The following UTY variants were observed in gnomAD, a reference collection of about 807,000 sequenced individuals.
The protein encoded by UTY is ubiquitously transcribed tetratricopeptide repeat containing, Y-linked.
UTY carries 12 observed loss-of-function variants against 32.5 expected under a neutral mutation model. That is an observed-to-expected ratio of 0.37 (90% CI 0.24 to 0.60). The LOEUF (loss-of-function observed/expected upper bound fraction) is 0.60. Among genes scored for constraint, UTY ranks in the 20% least tolerant of loss-of-function variants. The pLI is 0.69. For missense variants in UTY, 303 were observed against 299.2 expected (o/e 1.01, Z -0.09); for synonymous variants, 131 against 103.4 (o/e 1.27, Z -1.62).
chrY:13,335,899 T>C lies in UTY; in HGVS notation c.2498A>G (p.Asn833Ser). Residue 833 changes from asparagine (N) to serine (S), a missense_variant, in exon 18 of 30, where the codon AAT becomes AGT. Coordinates refer to ENST00000545955, the MANE Select transcript of UTY (RefSeq NM_001258249.2). ...QLSALLIGKA[N>S]GNVGTGTCDK... ...ACAGGTTCCAGTACCCACATTGCCA[T>C]TGGCTTTTCCAATCAACAAAGCAGA... is the stretch of plus-strand genomic sequence containing the variant. The C allele has an allele frequency of 2.5e-6, 1 of 399,293 alleles. No homozygotes were observed. The highest frequency in any genetic ancestry group is 3.5e-6 in the Non-Finnish European group (1 of 283,726).
At chrY:13,351,731 G>A (rs2149184443) in intron 17 of UTY, among the ~76,000 whole-genome samples, 1 of 33,645 alleles carries the variant, frequency 3.0e-5, no homozygotes, top group South Asian at 6.5e-4. Flanking sequence ...TTTAACAGTT[G>A]CCCCCAGGTA....
At chrY:13,324,767 T>G in intron 19 of UTY, 61 bp from the exon 20 acceptor site, 1 of 271,831 alleles carries the variant, frequency 3.7e-6, no homozygotes, top group Non-Finnish European at 5.5e-6. Flanking sequence ...CTCAGATTTG[T>G]GCCTTTAATA....
intron 10 of UTY, among the ~76,000 whole-genome samples, chrY:13,362,482 TTGATA>T (rs2063654932): frequency 8.8e-5 from 3 of 34,013 alleles, no homozygotes; most frequent in Non-Finnish European, 1.5e-4. Flanking sequence ...CCATTTCACT[TTGATA>T]TGTACAATCC....
intron 2 of UTY, among the ~76,000 whole-genome samples, chrY:13,474,440 T>C (rs2078847364): frequency 6.1e-5 from 2 of 32,561 alleles, no homozygotes; most frequent in African/African-American, 1.2e-4. Flanking sequence ...GGGTACAACA[T>C]AGAAAACAAG....
chrY:13,354,777 G>A, intron 17 of UTY: 1 of 280,806 alleles, frequency 3.6e-6, no homozygotes, highest in Non-Finnish European at 5.3e-6. Context: ...GCTTTATTAT[G>A]ATACTCACTT....
intron 8 of UTY, among the ~76,000 whole-genome samples, chrY:13,374,115 T>G: frequency 3.0e-5 from 1 of 33,440 alleles, no homozygotes; most frequent in South Asian, 6.7e-4. Context: ...CATTGCAACC[T>G]CCACCTCCAG....
Position 13,279,857 on chromosome Y carries a change from G to C in UTY, c.4010+17850C>G, listed in dbSNP as rs2056907981. ...AACAGAGAGAAGGAATTTTCTATTA[G>C]ATAAATTTGACAAAGAGATTAAAAA... is the stretch of plus-strand genomic sequence containing the variant. On this transcript the variant is annotated intron_variant, in intron 27 of 29. Transcript: ENST00000545955. 9.0e-5 allele frequency among the ~76,000 whole-genome samples: 3 copies of C among 33,355 alleles called. No homozygotes were observed. In the South Asian group the frequency reaches 2.0e-3, roughly 22 times the overall value. The allele number at this position is 33,355 out of a possible 37,273, so 89.5% of individuals were successfully genotyped here. A position where few individuals can be genotyped will look rare whatever the true frequency, so the allele number is the denominator to read the frequency against.
Position 13,388,887 on chromosome Y carries a change from G to A in UTY, c.645+4972C>T, listed in dbSNP as rs759657098. Among the ~76,000 whole-genome samples, 14 of 31,445 alleles carry A rather than the reference G, an allele frequency of 4.5e-4. No individual in the cohort carries two copies. In the East Asian group the frequency reaches 6.8e-3, roughly 15 times the overall value. The allele number at this position is 31,445 out of a possible 37,273, so 84.4% of individuals were successfully genotyped here. ...AATTCTCCTGCCGCCTTGTGAAGAAGTGCCTTGCTTTCCCTCACCTTCTGC... is the reference window on the plus strand; with the variant it reads ...AATTCTCCTGCCGCCTTGTGAAGAAATGCCTTGCTTTCCCTCACCTTCTGC... On this transcript the variant is annotated intron_variant, in intron 8 of 29. Transcript: ENST00000545955.
chrY:13,298,121 T>C, intron 26 of UTY, among the ~76,000 whole-genome samples: 1 of 33,317 alleles, frequency 3.0e-5, no homozygotes, highest in Non-Finnish European at 7.4e-5. Context: ...AGAAAGTGGT[T>C]TGGTAGAAGG....
intron 8 of UTY, among the ~76,000 whole-genome samples, chrY:13,369,959 TTAAAA>T (rs2064715107): frequency 3.0e-4 from 10 of 33,893 alleles, no homozygotes; most frequent in African/African-American, 1.1e-3. Flanking sequence ...AATTCAAAAT[TTAAAA>T]TATACAGTTC....
At chrY:13,273,683 C>A (rs2056443519) in intron 27 of UTY, among the ~76,000 whole-genome samples, 2 of 31,816 alleles carry the variant, frequency 6.3e-5, no homozygotes, top group Non-Finnish European at 1.5e-4. Context: ...GGAACAAATA[C>A]CTTTTCACTA....
At chrY:13,264,884 G>T in intron 27 of UTY, among the ~76,000 whole-genome samples, 1 of 33,400 alleles carries the variant, frequency 3.0e-5, no homozygotes, top group South Asian at 6.5e-4. Context: ...TTGGTCTTAC[G>T]TTTAAGTCTT....
chrY:13,331,648 G>C (rs754404860), intron 18 of UTY, among the ~76,000 whole-genome samples: 16 of 33,651 alleles, frequency 4.8e-4, no homozygotes, highest in Admixed American at 1.6e-3. Context: ...CTGAGCTAAA[G>C]GAGTTAAAGA....
intron 27 of UTY, among the ~76,000 whole-genome samples, chrY:13,277,548 T>C: frequency 3.0e-5 from 1 of 33,409 alleles, no homozygotes; most frequent in Non-Finnish European, 7.4e-5. Flanking sequence ...ACCCCGTCAG[T>C]GACTGTGTTG....
At chrY:13,468,233 C>T in intron 3 of UTY, among the ~76,000 whole-genome samples, 12 of 31,492 alleles carry the variant, frequency 3.8e-4, no homozygotes, top group Admixed American at 3.5e-3. Flanking sequence ...CATTGTGACA[C>T]TGCACTCTAG....
chrY:13,448,300 T>C, intron 4 of UTY, among the ~76,000 whole-genome samples: 1 of 33,817 alleles, frequency 3.0e-5, no homozygotes, highest in Admixed American at 2.7e-4. Context: ...ATTTTTCTTC[T>C]GTTATTTCTT....
intron 10 of UTY, among the ~76,000 whole-genome samples, chrY:13,364,687 T>C (rs1044002731): frequency 1.2e-4 from 4 of 33,828 alleles, no homozygotes. Context: ...AAAGCCAGGA[T>C]TTAAAACCCA....
chrY:13,372,008 GAC>G, intron 8 of UTY, among the ~76,000 whole-genome samples: 1 of 33,665 alleles, frequency 3.0e-5, no homozygotes, highest in African/African-American at 1.2e-4. Flanking sequence ...ACAAATGAAT[GAC>G]AGACATTCTG....
intron 21 of UTY, among the ~76,000 whole-genome samples, chrY:13,311,425 C>T (rs2148834402): frequency 4.1e-4 from 13 of 31,688 alleles, no homozygotes; most frequent in African/African-American, 1.5e-3. Context: ...GAAACCCCGT[C>T]TCTACTGAAA....
Sources: allele counts gnomAD v4.1 joint callset (sites outside exome capture counted in the v4.1 genomes callset), GRCh38; gene constraint gnomAD v4.1.1; transcripts MANE v1.5; gene names NCBI Gene and HGNC (gene_info 2026-07-23, HGNC 2026-07-21).